DENND1A: variants seen among roughly 807,000 people sequenced by gnomAD.
DENND1A encodes the protein DENN domain containing 1A.
DENND1A carries 51 observed loss-of-function variants against 113.7 expected under a neutral mutation model. The ratio of observed to expected loss-of-function variants is 0.45; its 90% CI spans 0.36 to 0.57. DENND1A has a LOEUF of 0.57. DENND1A is among the 20% of genes least tolerant of loss of function. The pLI is 0.00. For synonymous variants in DENND1A, 565 were observed against 570.8 expected (o/e 0.99, Z 0.14); for missense variants, 1,258 against 1,395.9 (o/e 0.90, Z 1.57).
At chr9:123,852,113 C>T (rs1297521625) in intron 2 of DENND1A, among the ~76,000 whole-genome samples, 1 of 152,208 alleles carries the variant, frequency 6.6e-6, no homozygotes, top group Non-Finnish European at 1.5e-5. Flanking sequence ...TTATCTTCTG[C>T]CTGTCCCGCC....
At chr9:123,624,046 A>T (rs987816965) in intron 10 of DENND1A, among the ~76,000 whole-genome samples, 1 of 152,246 alleles carries the variant, frequency 6.6e-6, no homozygotes, top group Non-Finnish European at 1.5e-5. Flanking sequence ...TATTATGCAT[A>T]GAAAGGGCAC....
intron 13 of DENND1A, among the ~76,000 whole-genome samples, chr9:123,475,168 G>A (rs1432411922): frequency 2.0e-5 from 3 of 152,012 alleles, no homozygotes; most frequent in African/African-American, 4.8e-5. Flanking sequence ...ACAGGCGCCC[G>A]CCAACACGCC....
intron 13 of DENND1A, among the ~76,000 whole-genome samples, chr9:123,532,259 C>T (rs904397454): frequency 1.3e-4 from 20 of 152,126 alleles, no homozygotes; most frequent in Admixed American, 5.9e-4. Context: ...AACCATAGTG[C>T]GATGATCAAA....
intron 12 of DENND1A, among the ~76,000 whole-genome samples, chr9:123,577,512 T>C (rs1229947430): frequency 2.0e-5 from 3 of 152,238 alleles, no homozygotes; most frequent in Admixed American, 2.0e-4. Flanking sequence ...TTCCTCATTC[T>C]CAACATGTCT....
At chr9:123,386,297 A>C (rs918326131) in intron 22 of DENND1A, among the ~76,000 whole-genome samples, 3 of 152,184 alleles carry the variant, frequency 2.0e-5, no homozygotes, top group Non-Finnish European at 2.9e-5. Flanking sequence ...TTTGAAAAAA[A>C]ATCGAAACAA....
chr9:123,878,853 A>G, intron 2 of DENND1A, 98 bp downstream of exon 2: 1 of 1,230,608 alleles, frequency 8.1e-7, no homozygotes, highest in Non-Finnish European at 1.2e-6. Flanking sequence ...ATACTTAAAG[A>G]CAAATAACAA....
chr9:123,490,696 T>C (rs74763812), intron 13 of DENND1A, among the ~76,000 whole-genome samples: 2,031 of 152,322 alleles, frequency 0.013, 43 homozygotes, highest in African/African-American at 0.046. Context: ...CAAGGTAAAT[T>C]AATCTTCATA....
At chr9:123,889,989 A>G (rs543433479) in intron 1 of DENND1A, among the ~76,000 whole-genome samples, 12 of 152,152 alleles carry the variant, frequency 7.9e-5, no homozygotes, top group Non-Finnish European at 1.8e-4. Flanking sequence ...AAAAAAAAAA[A>G]TTCAAAAGAG....
intron 6 of DENND1A, among the ~76,000 whole-genome samples, chr9:123,672,324 A>C (rs1465762162): frequency 6.6e-6 from 1 of 152,158 alleles, no homozygotes; most frequent in Non-Finnish European, 1.5e-5. Flanking sequence ...GAGAGGAGAG[A>C]GATGAACTTG....
In DENND1A at chr9:123,475,179, C is replaced by T. The variant is rs149323145; in HGVS notation, c.994-17282G>A. Among the ~76,000 whole-genome samples the T allele has an allele frequency of 7.6e-3, 1,152 of 152,156 alleles. 9 individuals carry two copies. Among genetic ancestry groups the T allele is most frequent in the Middle Eastern group, 0.044 (13 of 294 alleles). On this transcript the variant is annotated intron_variant, in intron 13 of 23. Transcript: ENST00000394215. ...AATTACAGGCGCCCGCCAACACGCC[C>T]GGCTAATTTTTGTATTTTTAGTAGA...
intron 21 of DENND1A, among the ~76,000 whole-genome samples, chr9:123,388,579 C>A (rs959911819): frequency 5.9e-5 from 9 of 152,126 alleles, no homozygotes; most frequent in Admixed American, 5.9e-4. Flanking sequence ...CCCTCAGATG[C>A]CTCTTCAGAG....
intron 1 of DENND1A, among the ~76,000 whole-genome samples, chr9:123,879,727 C>T (rs982271658): frequency 1.3e-5 from 2 of 152,130 alleles, no homozygotes; most frequent in African/African-American, 4.8e-5. Flanking sequence ...CAAATTAGCC[C>T]TCTCCTCAGT....
chr9:123,781,182 C>G (rs1039371947), intron 3 of DENND1A, among the ~76,000 whole-genome samples: 4 of 152,140 alleles, frequency 2.6e-5, no homozygotes, highest in Non-Finnish European at 5.9e-5. Flanking sequence ...TTGTGCTGTT[C>G]TGTTGAAGGG....
Position 123,557,630 on chromosome 9 carries a change from C to A in DENND1A, c.933G>T (p.Ala311=). The change falls in exon 13 of 24, where the codon GCG becomes GCT. Residue 311 remains alanine, a synonymous_variant. Transcript: ENST00000394215. ...AGAAAGCAGCCTGGGCCTTGAGGAA[C>A]GCTCTGGCCACACCATCCCCAGTGG... ...STTTGDGVAR[A]FLKAQAAFFG... 6.2e-7 allele frequency: 1 copy of A among 1,614,036 alleles called. No individual in the cohort carries two copies. Among genetic ancestry groups the A allele is most frequent in the Non-Finnish European group, 8.5e-7 (1 of 1,179,970 alleles).
At chr9:123,514,534 G>T (rs553320290) in intron 13 of DENND1A, among the ~76,000 whole-genome samples, 18 of 152,180 alleles carry the variant, frequency 1.2e-4, no homozygotes, top group Non-Finnish European at 2.5e-4. Flanking sequence ...TCTGGGTGGG[G>T]ATGGAGGCAG....
chr9:123,824,530 T>C (rs1285115983), intron 2 of DENND1A, among the ~76,000 whole-genome samples: 7 of 152,198 alleles, frequency 4.6e-5, no homozygotes, highest in Admixed American at 2.6e-4. Flanking sequence ...CTTTTTTTTT[T>C]CACCAATATA....
At chr9:123,856,185 G>A (rs1454357482) in intron 2 of DENND1A, among the ~76,000 whole-genome samples, 2 of 152,186 alleles carry the variant, frequency 1.3e-5, no homozygotes, top group African/African-American at 4.8e-5. Context: ...CTTCCTAATT[G>A]ACAATTTAAT....
At chr9:123,413,829 C>T (rs1343617357) in intron 19 of DENND1A, 1 of 984,788 alleles carries the variant, frequency 1.0e-6, no homozygotes, top group Non-Finnish European at 1.2e-6. Flanking sequence ...GGGGAACAGC[C>T]CCCCCACCCC....
intron 5 of DENND1A, among the ~76,000 whole-genome samples, chr9:123,741,900 G>A (rs1286330253): frequency 6.6e-6 from 1 of 152,200 alleles, no homozygotes; most frequent in Non-Finnish European, 1.5e-5. Flanking sequence ...AAAAGAAAGG[G>A]CAGTTATTTT....
Sources: allele counts gnomAD v4.1 joint callset (sites outside exome capture counted in the v4.1 genomes callset), GRCh38; gene constraint gnomAD v4.1.1; transcripts MANE v1.5; gene names NCBI Gene and HGNC (gene_info 2026-07-23, HGNC 2026-07-21).